Variants in KIF16B observed in about 807,000 individuals in gnomAD.
The protein encoded by KIF16B is kinesin-like protein KIF16B.
Under a neutral mutation model 156.3 loss-of-function variants are expected in KIF16B, and 98 were observed. The ratio of observed to expected loss-of-function variants is 0.63; its 90% CI spans 0.53 to 0.74. The LOEUF is 0.74. Ranked by LOEUF, KIF16B falls within the 30% of genes least tolerant of loss-of-function variation. The pLI, the probability that KIF16B is intolerant of heterozygous loss-of-function variation, is 0.00. For missense variants in KIF16B, 1,421 were observed against 1,606.5 expected, an observed-to-expected ratio of 0.88 and a Z score of 1.97; for synonymous variants, 564 against 583.7, an observed-to-expected ratio of 0.97 and a Z score of 0.49.
At chr20:16,327,805 T>G (rs1308195930) in intron 24 of KIF16B, among the ~76,000 whole-genome samples, 1 of 152,142 alleles carries the variant, frequency 6.6e-6, no homozygotes, top group African/African-American at 2.4e-5. Flanking sequence ...TATTTTTGTC[T>G]GCATAGCTGT....
chr20:16,330,674 T>C (rs1016986874), intron 24 of KIF16B, among the ~76,000 whole-genome samples: 1 of 152,192 alleles, frequency 6.6e-6, no homozygotes, highest in South Asian at 2.1e-4. Flanking sequence ...ATGTTGCTCA[T>C]GCTTATGGTA....
intron 21 of KIF16B, 151 bp downstream of exon 21, chr20:16,371,514 T>C (rs1433743747): frequency 3.7e-6 from 2 of 537,712 alleles, no homozygotes; most frequent in Non-Finnish European, 3.3e-6. Flanking sequence ...TTGTTTGAAC[T>C]GGGAGGTGGA....
chr20:16,514,794 G>A (rs1234785280), intron 4 of KIF16B, among the ~76,000 whole-genome samples: 2 of 144,028 alleles, frequency 1.4e-5, no homozygotes, highest in African/African-American at 5.2e-5. Flanking sequence ...GCTGAGGCAG[G>A]AGAATCACTT....
At chr20:16,329,174 G>GCT (rs1396552359) in intron 24 of KIF16B, among the ~76,000 whole-genome samples, 1 of 152,142 alleles carries the variant, frequency 6.6e-6, no homozygotes, top group African/African-American at 2.4e-5. Flanking sequence ...GGGGATACTA[G>GCT]CTCTTCACTA....
intron 4 of KIF16B, among the ~76,000 whole-genome samples, chr20:16,513,546 G>A (rs1229029487): frequency 6.6e-6 from 1 of 151,540 alleles, no homozygotes; most frequent in African/African-American, 2.4e-5. Flanking sequence ...TGTAATCCCA[G>A]CTACTGGGTA....
intron 12 of KIF16B, among the ~76,000 whole-genome samples, chr20:16,450,747 T>C (rs2067058101): frequency 6.6e-6 from 1 of 152,142 alleles, no homozygotes. Flanking sequence ...AGTGTCAGGA[T>C]GAGCTGAGCT....
rs2069621159 is a variant in KIF16B, at chr20:16,528,249, C to CT, written c.117+121dup. 5.6e-6 allele frequency: 4 copies of CT among 708,400 alleles called. No individual in the cohort carries two copies. In the Admixed American group the frequency reaches 9.6e-5, roughly 17 times the overall value. The allele number at this position is 708,400 out of a possible 1,614,324, so 43.9% of individuals were successfully genotyped here. The stretch of plus-strand genomic sequence containing the variant: ...CCAAGCCAGGTGCAAGCTGACGTGG[C>CT]TAACTGCACTGGAAAGGAGGGTGTG... On this transcript the variant is annotated intron_variant, in intron 2 of 25. Coordinates refer to ENST00000354981, the MANE Select transcript of KIF16B (RefSeq NM_024704.5).
chr20:16,284,958 A>C (rs1474460058), intron 25 of KIF16B, among the ~76,000 whole-genome samples: 2 of 152,292 alleles, frequency 1.3e-5, no homozygotes, highest in East Asian at 3.9e-4. Context: ...TGCTGTGCCC[A>C]GTACGAAGCA....
intron 24 of KIF16B, among the ~76,000 whole-genome samples, chr20:16,330,662 C>A (rs1170990192): frequency 6.6e-6 from 1 of 152,186 alleles, no homozygotes; most frequent in African/African-American, 2.4e-5. Flanking sequence ...TGTTATGAGA[C>A]AATGTTGCTC....
intron 19 of KIF16B, among the ~76,000 whole-genome samples, chr20:16,377,680 G>A (rs2064987979): frequency 6.6e-6 from 1 of 152,094 alleles, no homozygotes; most frequent in Non-Finnish European, 1.5e-5. Flanking sequence ...ATAGGAAGGG[G>A]CTGAACCAGG....
intron 12 of KIF16B, among the ~76,000 whole-genome samples, chr20:16,492,503 C>G (rs541567366): frequency 1.9e-4 from 29 of 152,244 alleles, no homozygotes; most frequent in African/African-American, 7.0e-4. Context: ...TTTCCCTTCT[C>G]CTATGAAAAG....
chr20:16,541,149 A>G (rs1326521421), intron 1 of KIF16B, among the ~76,000 whole-genome samples: 1 of 152,148 alleles, frequency 6.6e-6, no homozygotes, highest in African/African-American at 2.4e-5. Flanking sequence ...TTCCTATTAG[A>G]AAAAGAAATC....
intron 23 of KIF16B, among the ~76,000 whole-genome samples, chr20:16,338,593 A>ATCT (rs1446585995): frequency 1.3e-4 from 20 of 152,202 alleles, no homozygotes; most frequent in Admixed American, 5.9e-4. Context: ...AATCCTCATA[A>ATCT]GCACAAAACC....
chr20:16,297,199 A>G (rs1257648899), intron 25 of KIF16B, among the ~76,000 whole-genome samples: 1 of 152,160 alleles, frequency 6.6e-6, no homozygotes, highest in Non-Finnish European at 1.5e-5. Flanking sequence ...AGCCTCCAAA[A>G]TCACATGATC....
At chr20:16,456,352 C>CT (rs979406625) in intron 12 of KIF16B, among the ~76,000 whole-genome samples, 1 of 152,094 alleles carries the variant, frequency 6.6e-6, no homozygotes, top group Non-Finnish European at 1.5e-5. Flanking sequence ...CAATAGATTG[C>CT]TTTTTTCTTT....
chr20:16,374,481 G>A lies in KIF16B; in HGVS notation c.3198-72C>T, dbSNP rs138498068. ...GAGCATCCTTACTGTGTGAGACATT[G>A]CTTTAGATAGCATGGGGGAACAAGA... is the stretch of plus-strand genomic sequence containing the variant. On this transcript the variant is annotated intron_variant, in intron 19 of 25. Transcript: ENST00000354981. 3.0e-6 allele frequency: 4 copies of A among 1,332,068 alleles called. No homozygotes were observed. In the African/African-American group the frequency reaches 4.4e-5, roughly 15 times the overall value. The allele number at this position is 1,332,068 out of a possible 1,614,324, so 82.5% of individuals were successfully genotyped here. A position where few individuals can be genotyped will look rare whatever the true frequency, so the allele number is the denominator to read the frequency against.
chr20:16,379,344 CG>C lies in KIF16B; in HGVS notation c.2657del (p.Thr886ArgfsTer10). The C allele has an allele frequency of 6.2e-7, 1 of 1,605,632 alleles. No homozygotes were observed. Among genetic ancestry groups the C allele is most frequent in the Non-Finnish European group, 8.5e-7 (1 of 1,176,600 alleles). ...EKHDESVTDV[T>X]EVPQDFEKIK... Reference sequence around the variant, plus strand: ...TTTTCTCGAAATCTTGAGGCACTTCCGTGACATCTGTGACACTCTCATCATG... The same window carrying C: ...TTTTCTCGAAATCTTGAGGCACTTCCTGACATCTGTGACACTCTCATCATG... On this transcript the variant is annotated frameshift_variant, in exon 19 of 26. Coordinates refer to ENST00000354981, the MANE Select transcript of KIF16B (RefSeq NM_024704.5). LOFTEE classifies it high-confidence loss of function.
chr20:16,495,742 T>G (rs113071856), intron 11 of KIF16B, among the ~76,000 whole-genome samples: 66 of 152,224 alleles, frequency 4.3e-4, no homozygotes, highest in African/African-American at 1.6e-3. Flanking sequence ...TGGGTTGGAG[T>G]GCGGTGGCGT....
At chr20:16,571,503 C>T (rs1263327165) in intron 1 of KIF16B, among the ~76,000 whole-genome samples, 1 of 152,010 alleles carries the variant, frequency 6.6e-6, no homozygotes, top group Non-Finnish European at 1.5e-5. Context: ...CCCAGCAGGC[C>T]CAATACTTCA....
Sources: allele counts gnomAD v4.1 joint callset (sites outside exome capture counted in the v4.1 genomes callset), GRCh38; gene constraint gnomAD v4.1.1; transcripts MANE v1.5; gene names NCBI Gene and HGNC (gene_info 2026-07-23, HGNC 2026-07-21).